Variants in TP63 observed in about 807,000 individuals in gnomAD.
TP63 encodes the protein tumor protein p63, also known as tumor protein 63.
In TP63, 17 loss-of-function variants were observed where a neutral mutation model predicts 82.8. That is an observed-to-expected ratio of 0.21 (90% CI 0.14 to 0.31). The LOEUF is 0.31. Among genes scored for constraint, TP63 ranks in the 10% least tolerant of loss-of-function variants. The pLI, the probability that TP63 is intolerant of heterozygous loss-of-function variation, is 1.00. For synonymous variants in TP63, 330 were observed against 321.7 expected (o/e 1.03, Z -0.28); for missense variants, 648 against 895.3 (o/e 0.72, Z 3.52).
chr3:189,896,287 A>ATT lies in TP63; in HGVS notation c.*1794_*1795dup. 1 of 209,390 alleles carries ATT rather than the reference A, an allele frequency of 4.8e-6. No homozygotes were observed. The highest frequency in any genetic ancestry group is 9.7e-6 in the Non-Finnish European group (1 of 103,610). The allele number at this position is 209,390 out of a possible 1,614,324, so 13.0% of individuals were successfully genotyped here. A position where few individuals can be genotyped will look rare whatever the true frequency, so the allele number is the denominator to read the frequency against. On this transcript the variant is annotated 3_prime_UTR_variant, in exon 14 of 14. Transcript: ENST00000264731. ...AAATTGCATACTTTGTATTTTGATT[A>ATT]TTTTTTTTTTCTTCTTGGGATAGTG...
At chr3:189,652,723 A>G (rs1346806263) in intron 1 of TP63, among the ~76,000 whole-genome samples, 1 of 146,878 alleles carries the variant, frequency 6.8e-6, no homozygotes, top group African/African-American at 2.6e-5. Context: ...CCCACGTGTC[A>G]TGGGAGGGAT....
chr3:189,863,215 T>A (rs1717255225), intron 4 of TP63, among the ~76,000 whole-genome samples: 2 of 151,148 alleles, frequency 1.3e-5, no homozygotes, highest in Admixed American at 1.3e-4. Context: ...TGTTACTAGG[T>A]GCCCCACTCT....
intron 1 of TP63, among the ~76,000 whole-genome samples, chr3:189,651,545 C>CAAAA (rs71173298): frequency 5.9e-5 from 7 of 118,446 alleles, no homozygotes; most frequent in African/African-American, 2.6e-4. Flanking sequence ...GATTCCATAT[C>CAAAA]AAAAAAAAAA....
At chr3:189,763,611 C>T (rs775740626) in intron 3 of TP63, among the ~76,000 whole-genome samples, 5 of 152,144 alleles carry the variant, frequency 3.3e-5, no homozygotes, top group South Asian at 2.1e-4. Context: ...TATTTGAAAG[C>T]TCAGGAAATA....
At chr3:189,650,635 A>T (rs4011820) in intron 1 of TP63, among the ~76,000 whole-genome samples, 72,079 of 146,326 alleles carry the variant, frequency 0.49, 22,051 homozygotes, top group Middle Eastern at 0.71. Flanking sequence ...TGATTGTAAG[A>T]GTCCAAAGGC....
intron 1 of TP63, 44 bp downstream of exon 1, chr3:189,631,621 G>A: frequency 1.2e-6 from 2 of 1,611,812 alleles, no homozygotes; most frequent in Non-Finnish European, 1.7e-6. Context: ...CTTAATTGAA[G>A]TGCCTTGTGT....
intron 1 of TP63, among the ~76,000 whole-genome samples, chr3:189,661,524 C>T (rs996479329): frequency 5.3e-5 from 8 of 151,974 alleles, no homozygotes; most frequent in African/African-American, 1.9e-4. Flanking sequence ...AGATATTAGC[C>T]TTTAGTTTTC....
rs774764336 is a variant in TP63, at chr3:189,875,593, C to CATATATATATAT, written c.1349+2632_1349+2643dup. ...AAAGAAAAAGAAAAAAAAATACATA[C>CATATATATATAT]ATATATATATATATATATATATATA... On this transcript the variant is annotated intron_variant, in intron 10 of 13. Transcript: ENST00000264731. 1.4e-3 allele frequency among the ~76,000 whole-genome samples: 58 copies of CATATATATATAT among 40,710 alleles called. 1 individual carries two copies. Among genetic ancestry groups the CATATATATATAT allele is most frequent in the Admixed American group, 2.6e-3 (7 of 2,706 alleles). The allele number at this position is 40,710 out of a possible 152,430, so 26.7% of individuals were successfully genotyped here.
intron 3 of TP63, among the ~76,000 whole-genome samples, chr3:189,770,588 A>G (rs537253434): frequency 6.6e-6 from 1 of 152,042 alleles, no homozygotes; most frequent in Non-Finnish European, 1.5e-5. Flanking sequence ...TTACTTTGAC[A>G]TCTATTAAGA....
chr3:189,886,315 A>G (rs1366709383), intron 10 of TP63, 79 bp from the exon 11 acceptor site: 3 of 1,499,586 alleles, frequency 2.0e-6, no homozygotes, highest in Non-Finnish European at 1.8e-6. Context: ...CATGTTTTAA[A>G]CAGAGACCTG....
chr3:189,607,121 A>G, the TP63 span, among the ~76,000 whole-genome samples: 563 of 51,056 alleles, frequency 0.011, 1 homozygote, highest in South Asian at 0.033. Flanking sequence ...CAAAATTTCA[A>G]TATCATGAAA....
At chr3:189,613,585 G>A in the TP63 span, among the ~76,000 whole-genome samples, 3 of 152,194 alleles carry the variant, frequency 2.0e-5, no homozygotes, top group Non-Finnish European at 4.4e-5. Flanking sequence ...TAGTGGACCT[G>A]TGAGAAGAGG....
chr3:189,725,702 A>G (rs1021767263), intron 1 of TP63, among the ~76,000 whole-genome samples: 1 of 152,188 alleles, frequency 6.6e-6, no homozygotes, highest in Admixed American at 6.5e-5. Context: ...GCTTTCTGCC[A>G]TGGTTCTTTG....
In TP63 at chr3:189,894,873, G is replaced by A. The variant is rs1409691316; in HGVS notation, c.*371G>A. On this transcript the variant is annotated 3_prime_UTR_variant, in exon 14 of 14. Coordinates refer to ENST00000264731, the MANE Select transcript of TP63 (RefSeq NM_003722.5). ...AAATATACAGTATAGATTTTTGGGT[G>A]GGGGGCATTGAGTATTGTTTAAAAT... 2 of 233,960 alleles carry A rather than the reference G, an allele frequency of 8.5e-6. No homozygotes were observed. Among genetic ancestry groups the A allele is most frequent in the East Asian group, 6.5e-5 (1 of 15,458 alleles). 14.5% of individuals were successfully genotyped at this position (233,960 alleles called of 1,614,324 possible). A position where few individuals can be genotyped will look rare whatever the true frequency, so the allele number is the denominator to read the frequency against.
In TP63 at chr3:189,869,306, G is replaced by T; in HGVS notation, c.1130-18G>T. 6.2e-7 allele frequency: 1 copy of T among 1,611,848 alleles called. No homozygotes were observed. The highest frequency in any genetic ancestry group is 8.5e-7 in the Non-Finnish European group (1 of 1,178,032). On this transcript the variant is annotated intron_variant, in intron 8 of 13. Coordinates refer to ENST00000264731, the MANE Select transcript of TP63 (RefSeq NM_003722.5). The stretch of plus-strand genomic sequence containing the variant: ...TAGAAGTGTTCCCAGGATGAAACTT[G>T]CATTTTTCCTCCACCAGCGTTTCGT...
In TP63 at chr3:189,895,299, TA is replaced by T; in HGVS notation, c.*801del. ...TTTGGTTGGGAATGAGGAAAATTCTTAAAAGGCCCATAGCAGCCAGTTCAAA... is the reference window on the plus strand; with the variant it reads ...TTTGGTTGGGAATGAGGAAAATTCTTAAAGGCCCATAGCAGCCAGTTCAAA... On this transcript the variant is annotated 3_prime_UTR_variant, in exon 14 of 14. Transcript: ENST00000264731. 1 of 220,470 alleles carries T rather than the reference TA, an allele frequency of 4.5e-6. No individual in the cohort carries two copies. 13.7% of individuals were successfully genotyped at this position (220,470 alleles called of 1,614,324 possible).
intron 4 of TP63, among the ~76,000 whole-genome samples, chr3:189,824,246 T>G (rs142051946): frequency 0.011 from 1,703 of 152,004 alleles, 18 homozygotes; most frequent in Middle Eastern, 0.024. Context: ...AGACAGAGTC[T>G]CGCTCCGTCA....
At chr3:189,761,796 A>G (rs986397866) in intron 3 of TP63, among the ~76,000 whole-genome samples, 12 of 152,238 alleles carry the variant, frequency 7.9e-5, no homozygotes, top group Non-Finnish European at 1.5e-5. Context: ...TATTGGACTT[A>G]CAGTTCCACA....
upstream of TP63, among the ~76,000 whole-genome samples, chr3:189,629,748 A>T (rs1729396458): frequency 6.6e-6 from 1 of 152,176 alleles, no homozygotes; most frequent in Non-Finnish European, 1.5e-5. Context: ...GAAGCTCTGC[A>T]CTAGAAATCT....
Sources: gnomAD v4.1 joint callset for allele counts (sites outside exome capture counted in the v4.1 genomes callset) on GRCh38, gnomAD v4.1.1 for gene constraint, MANE v1.5 for transcripts, NCBI Gene and HGNC (gene_info 2026-07-23, HGNC 2026-07-21) for gene names.